The following CPLANE1 variants were observed in gnomAD, a reference collection of about 807,000 sequenced individuals.
CPLANE1 encodes ciliogenesis and planar polarity effector 1.
A neutral mutation model predicts 362.5 loss-of-function variants in CPLANE1; 263 were observed. The observed-to-expected ratio is 0.73, with a 90% CI of 0.66 to 0.80. The LOEUF (loss-of-function observed/expected upper bound fraction) is 0.80. CPLANE1 is among the 30% of genes least tolerant of loss of function. The probability of loss-of-function intolerance (pLI) is 0.00; values close to 1 mark genes in which losing one functional copy is unlikely to be tolerated. For synonymous variants in CPLANE1, 1,212 were observed against 1,302.6 expected, an observed-to-expected ratio of 0.93 and a Z score of 1.50; for missense variants, 3,461 against 3,793.4, an observed-to-expected ratio of 0.91 and a Z score of 2.30.
chr5:37,205,303 T>C lies in CPLANE1; in HGVS notation c.3289+12A>G, dbSNP rs1580717103. The C allele has an allele frequency of 6.5e-7, 1 of 1,545,456 alleles. No homozygotes were observed. The highest frequency in any genetic ancestry group is 8.7e-7 in the Non-Finnish European group (1 of 1,144,658). The stretch of plus-strand genomic sequence containing the variant: ...AATCTGACACGAATCAGACTATACA[T>C]ACATAACACACCTGTAAACTGTTTA... On this transcript the variant is annotated intron_variant, in intron 18 of 52. Coordinates refer to ENST00000651892, the MANE Select transcript of CPLANE1 (RefSeq NM_001384732.1).
rs942085082 is a variant in CPLANE1 at position 37,224,353 on chromosome 5, C to T, written c.2501-20G>A. ...CTTCCCCTAGAAAGTTTTTAACCAACAATTAGTCATAGTTAATTATATTAC... is the reference window on the plus strand; with the variant it reads ...CTTCCCCTAGAAAGTTTTTAACCAATAATTAGTCATAGTTAATTATATTAC... On this transcript the variant is annotated intron_variant, in intron 13 of 52. Coordinates refer to ENST00000651892, the MANE Select transcript of CPLANE1 (RefSeq NM_001384732.1). The T allele has an allele frequency of 6.7e-7, 1 of 1,490,242 alleles. No homozygotes were observed. The highest frequency in any genetic ancestry group is 2.0e-5 in the Admixed American group (1 of 48,802). The allele number at this position is 1,490,242 out of a possible 1,614,324, so 92.3% of individuals were successfully genotyped here. A position where few individuals can be genotyped will look rare whatever the true frequency, so the allele number is the denominator to read the frequency against.
Position 37,224,537 on chromosome 5 carries a change from ATAGAT to A in CPLANE1, c.2490_2494del (p.Lys830AsnfsTer13), listed in dbSNP as rs926409425. ...AATATTCATAAGATACTGACCATTG[ATAGAT>A]TTAAGTTCTAAGGTTTGATTCAAGC... On this transcript the variant is annotated frameshift_variant, in exon 13 of 53. Coordinates refer to ENST00000651892, the MANE Select transcript of CPLANE1 (RefSeq NM_001384732.1). 5 of 1,544,930 alleles carry A rather than the reference ATAGAT, an allele frequency of 3.2e-6. No homozygotes were observed. The highest frequency in any genetic ancestry group is 4.4e-6 in the Non-Finnish European group (5 of 1,141,318).
In CPLANE1 at chr5:37,174,452, G is replaced by A. The variant is rs1780610171; in HGVS notation, c.5979-505C>T. Among the ~76,000 whole-genome samples, 3 of 152,268 alleles carry A rather than the reference G, an allele frequency of 2.0e-5. No individual in the cohort carries two copies. In the Middle Eastern group the frequency reaches 0.01, roughly 518 times the overall value. On this transcript the variant is annotated intron_variant, in intron 31 of 52. Coordinates refer to ENST00000651892, the MANE Select transcript of CPLANE1 (RefSeq NM_001384732.1). ...TATCATCATTAAATGTGAAACAATAGTACTGTGAACATTTCATTTCCAAGC... is the reference window on the plus strand; with the variant it reads ...TATCATCATTAAATGTGAAACAATAATACTGTGAACATTTCATTTCCAAGC...
intron 19 of CPLANE1, 135 bp downstream of exon 19, chr5:37,201,456 A>T: frequency 1.5e-6 from 1 of 671,048 alleles, no homozygotes. Flanking sequence ...CAATTAGTGA[A>T]CAGCAAAGCT....
intron 2 of CPLANE1, chr5:37,246,309 G>C (rs181166994): frequency 6.6e-6 from 1 of 151,912 alleles, no homozygotes; most frequent in African/African-American, 2.4e-5. Flanking sequence ...TAGGCAACCT[G>C]GTGGTTACCC....
the CPLANE1 span, among the ~76,000 whole-genome samples, chr5:37,091,747 G>C: frequency 6.6e-6 from 1 of 152,158 alleles, no homozygotes; most frequent in Non-Finnish European, 1.5e-5. Context: ...AAGAGGGTAG[G>C]CTTGTGTCCA....
chr5:37,100,297 G>A, the CPLANE1 span, among the ~76,000 whole-genome samples: 1 of 152,122 alleles, frequency 6.6e-6, no homozygotes, highest in African/African-American at 2.4e-5. Context: ...AAGGTATAAG[G>A]AAGGGGTCCA....
In CPLANE1 at chr5:37,215,269, G is replaced by A. The variant is rs576360301; in HGVS notation, c.2747-1537C>T. On this transcript the variant is annotated intron_variant, in intron 15 of 52. Transcript: ENST00000651892. ...TCTCCATGTTGGTCAGACTGGTCTC[G>A]AACTCTTGACCTCAGGTGATCTGCC... Among the ~76,000 whole-genome samples, 217 of 152,142 alleles carry A rather than the reference G, an allele frequency of 1.4e-3. 1 individual carries two copies. The highest frequency in any genetic ancestry group is 4.2e-3 in the South Asian group (20 of 4,816).
At chr5:37,173,596 C>T (rs1257475683) in intron 32 of CPLANE1, among the ~76,000 whole-genome samples, 159 bp downstream of exon 32, 6 of 152,098 alleles carry the variant, frequency 3.9e-5, no homozygotes, top group Non-Finnish European at 5.9e-5. Flanking sequence ...TGAGCCACTG[C>T]GCCCAACCAG....
At position 37,153,686 on chromosome 5, in the gene CPLANE1, T is replaced by C. The variant is rs1183504690; in HGVS notation, c.8373+54A>G. ...TCAGGTATCCAAAGTTATATCACAC[T>C]ACAAATCTAATAATTCAGTAGCAAA... is the stretch of plus-strand genomic sequence containing the variant. On this transcript the variant is annotated intron_variant, in intron 42 of 52. Coordinates refer to ENST00000651892, the MANE Select transcript of CPLANE1 (RefSeq NM_001384732.1). The C allele has an allele frequency of 5.2e-6, 8 of 1,545,954 alleles. No homozygotes were observed. The Admixed American group carries it at 5.6e-5, about 11-fold the overall frequency.
At chr5:37,173,734 C>G in intron 32 of CPLANE1, 21 bp downstream of exon 32, 1 of 1,596,112 alleles carries the variant, frequency 6.3e-7, no homozygotes, top group Non-Finnish European at 8.6e-7. Flanking sequence ...GATTTACTTA[C>G]TTATATAGAG....
intron 39 of CPLANE1, 110 bp downstream of exon 39, chr5:37,158,114 A>C: frequency 1.6e-6 from 2 of 1,240,420 alleles, no homozygotes; most frequent in Non-Finnish European, 2.3e-6. Flanking sequence ...ACAAAGCTAC[A>C]TAGATGAGAT....
At chr5:37,238,733 A>G in intron 8 of CPLANE1, 124 bp downstream of exon 8, 1 of 469,870 alleles carries the variant, frequency 2.1e-6, no homozygotes, top group Non-Finnish European at 3.8e-6. Context: ...TCCTGAGCTC[A>G]AGTGATCCTC....
downstream of CPLANE1, among the ~76,000 whole-genome samples, chr5:37,104,035 G>A (rs1363783633): frequency 2.0e-5 from 3 of 152,018 alleles, no homozygotes; most frequent in African/African-American, 4.8e-5. Context: ...ACATAATCCC[G>A]TATTTCTTGG....
At chr5:37,122,393 TAGAG>T in intron 48 of CPLANE1, 33 bp downstream of exon 48, 1 of 1,551,502 alleles carries the variant, frequency 6.4e-7, no homozygotes, top group Non-Finnish European at 8.9e-7. Flanking sequence ...CTAAGGAAGT[TAGAG>T]AGAAAACACA....
intron 16 of CPLANE1, chr5:37,211,171 C>A: frequency 1.5e-6 from 2 of 1,297,990 alleles, no homozygotes; most frequent in Non-Finnish European, 2.2e-6. Context: ...CTAGCAGGTA[C>A]GGTTGCATCA....
chr5:37,091,425 C>T, the CPLANE1 span, among the ~76,000 whole-genome samples: 1 of 152,162 alleles, frequency 6.6e-6, no homozygotes, highest in African/African-American at 2.4e-5. Flanking sequence ...ACAATTTTGT[C>T]ACAAGTGGAA....
At chr5:37,096,853 G>A in the CPLANE1 span, among the ~76,000 whole-genome samples, 6 of 152,026 alleles carry the variant, frequency 3.9e-5, no homozygotes, top group African/African-American at 1.4e-4. Context: ...AGCACAATGC[G>A]ATACCACCTT....
chr5:37,139,472 T>A (rs1169641518), intron 44 of CPLANE1, 102 bp from the exon 45 acceptor site: 9 of 1,076,828 alleles, frequency 8.4e-6, no homozygotes, highest in Non-Finnish European at 1.1e-5. Context: ...ATTAAAATAC[T>A]TTTAAACTTC....
Sources: gnomAD v4.1 joint callset for allele counts (sites outside exome capture counted in the v4.1 genomes callset) on GRCh38, gnomAD v4.1.1 for gene constraint, MANE v1.5 for transcripts, NCBI Gene and HGNC (gene_info 2026-07-23, HGNC 2026-07-21) for gene names.